The following CCDC51 variants were observed in gnomAD, a reference collection of about 807,000 sequenced individuals.
CCDC51 encodes coiled-coil domain containing 51, also known as mitochondrial potassium channel.
A neutral mutation model predicts 24.8 loss-of-function variants in CCDC51; 25 were observed. That is an observed-to-expected ratio of 1.01 (90% CI 0.73 to 1.41). The LOEUF (loss-of-function observed/expected upper bound fraction) is 1.41. CCDC51 is among the 40% of genes most tolerant of loss of function. CCDC51 has a pLI of 0.00. For missense variants in CCDC51, 466 were observed against 519.1 expected (o/e 0.90, Z 0.99); for synonymous variants, 190 against 204.3 (o/e 0.93, Z 0.60).
chr3:48,435,098 G>C lies in CCDC51; in HGVS notation c.31C>G (p.Gln11Glu). ...ACGTGGGGCACACCCACGATGTGCTGCATGGCAAACCCAGGGCTGCGCCCC... is the reference window on the plus strand; with the variant it reads ...ACGTGGGGCACACCCACGATGTGCTCCATGGCAAACCCAGGGCTGCGCCCC... MMGRSPGFAMQHIVGVPHVLV... is the reference protein window; with the variant it reads MMGRSPGFAMEHIVGVPHVLV... Residue 11 changes from glutamine to glutamate, a missense_variant, in exon 2 of 4, where the codon CAG becomes GAG. Gln to Glu is a conservative substitution (Grantham distance 29). Coordinates refer to ENST00000395694, the MANE Select transcript of CCDC51 (RefSeq NM_001256964.2). This position sits in a 1 kb window ranked among gnomAD's most constrained non-coding sequence, Gnocchi z 4.2. 6.2e-7 allele frequency: 1 copy of C among 1,602,090 alleles called. No homozygotes were observed. The highest frequency in any genetic ancestry group is 8.5e-7 in the Non-Finnish European group (1 of 1,173,670).
At position 48,432,434 on chromosome 3, in the gene CCDC51, G is replaced by C. The variant is rs749745726; in HGVS notation, c.1210C>G (p.Leu404Val). ...TAGCTGGCTTTGAATAGCATGTAGA[G>C]CACAGGCAGTGTGGCCACAAATGTC... ...CVTFVATLPV[L>V]YMLFKAS The change falls in exon 4 of 4, where the codon CTC becomes GTC. Residue 404 changes from leucine to valine, a missense_variant. Physicochemically the swap from Leu to Val is conservative, Grantham distance 32 (BLOSUM62 1). Coordinates refer to ENST00000395694, the MANE Select transcript of CCDC51 (RefSeq NM_001256964.2). 4 of 1,614,260 alleles carry C rather than the reference G, an allele frequency of 2.5e-6. No individual in the cohort carries two copies. In the South Asian group the frequency reaches 4.4e-5, roughly 18 times the overall value.
chr3:48,442,373 A>G (rs1337105658), upstream of CCDC51, among the ~76,000 whole-genome samples: 1 of 150,940 alleles, frequency 6.6e-6, no homozygotes, highest in Non-Finnish European at 1.5e-5. Context: ...ATTGAGCATC[A>G]TCTGATTTTT....
In CCDC51 at chr3:48,437,312, G is replaced by C. The variant is rs1229573114; in HGVS notation, c.-8-2176C>G. ...GGGAATGTGGCAATAATTCCCATGT[G>C]GCAACTGGAGTTGTTTCTCCACTCC... On this transcript the variant is annotated intron_variant, in intron 1 of 3. Transcript: ENST00000395694. This position sits in a 1 kb window ranked among gnomAD's most constrained non-coding sequence, Gnocchi z 4.2. 6.6e-6 allele frequency among the ~76,000 whole-genome samples: 1 copy of C among 152,072 alleles called. No homozygotes were observed. The highest frequency in any genetic ancestry group is 1.9e-4 in the East Asian group (1 of 5,196).
chr3:48,434,752 G>A (rs1223762467), intron 2 of CCDC51, 65 bp downstream of exon 2: 20 of 1,435,406 alleles, frequency 1.4e-5, no homozygotes, highest in South Asian at 7.9e-5. Context: ...CCAGCACCAC[G>A]TGACTGGTTT....
In CCDC51 at chr3:48,433,091, C is replaced by G; in HGVS notation, c.553G>C (p.Ala185Pro). 6.2e-7 allele frequency: 1 copy of G among 1,614,116 alleles called. No homozygotes were observed. The highest frequency in any genetic ancestry group is 8.5e-7 in the Non-Finnish European group (1 of 1,180,014). The change falls in exon 4 of 4, where the codon GCT (alanine) becomes CCT (proline). Residue 185 changes from alanine to proline, a missense_variant. Ala to Pro is a conservative substitution (Grantham distance 27). Transcript: ENST00000395694. The surrounding 1 kb of genome is among the most constrained non-coding windows in gnomAD (Gnocchi z 4.4). ...TCCTTCTCATGACTTTCCCGCACAG[C>G]TGCAGAGAAGAGGGAGAACTTCTCT... ...EREKFSLFSA[A>P]VRESHEKERT...
intron 1 of CCDC51, among the ~76,000 whole-genome samples, chr3:48,439,085 A>G (rs1325253339): frequency 1.3e-5 from 2 of 152,050 alleles, no homozygotes; most frequent in African/African-American, 4.8e-5. Flanking sequence ...GGTCTTCCCC[A>G]TGCACCCTAT....
chr3:48,440,695 G>A (rs953926473), upstream of CCDC51: 11 of 1,442,488 alleles, frequency 7.6e-6, no homozygotes, highest in African/African-American at 1.1e-4. Context: ...ATGAGGGCGC[G>A]GGCATGTCTT....
rs1432743545 is a variant in CCDC51, at chr3:48,433,431, C to T, written c.478-265G>A. Among the ~76,000 whole-genome samples the T allele has an allele frequency of 6.6e-6, 1 of 152,176 alleles. No individual in the cohort carries two copies. Among genetic ancestry groups the T allele is most frequent in the Non-Finnish European group, 1.5e-5 (1 of 68,024 alleles). ...TTATGTCTACACAAAGGGAAGTGTC[C>T]AGCACTCCCTAGGCCAGCCCCTCCA... is the stretch of plus-strand genomic sequence containing the variant. On this transcript the variant is annotated intron_variant, in intron 3 of 3. Transcript: ENST00000395694. This position sits in a 1 kb window ranked among gnomAD's most constrained non-coding sequence, Gnocchi z 4.4.
chr3:48,440,343 G>C, upstream of CCDC51: 1 of 1,611,924 alleles, frequency 6.2e-7, no homozygotes, highest in Non-Finnish European at 8.5e-7. Flanking sequence ...AGGACTGCGG[G>C]GACGGCGGGG....
At position 48,435,034 on chromosome 3, in the gene CCDC51, A is replaced by T; in HGVS notation, c.95T>A (p.Met32Lys). The T allele has an allele frequency of 6.2e-7, 1 of 1,614,186 alleles. No individual in the cohort carries two copies. The highest frequency in any genetic ancestry group is 8.5e-7 in the Non-Finnish European group (1 of 1,180,016). The change falls in exon 2 of 4, where the codon ATG becomes AAG. Residue 32 changes from methionine to lysine, a missense_variant. Coordinates refer to ENST00000395694, the MANE Select transcript of CCDC51 (RefSeq NM_001256964.2). This position sits in a 1 kb window ranked among gnomAD's most constrained non-coding sequence, Gnocchi z 4.2. ...RRGLLGRDLF[M>K]TRTLCSPGPS... is the part of the protein sequence containing the mutation. ...GCCTGGGCTGCAGAGAGTCCTGGTC[A>T]TGAAGAGGTCCCTTCCAAGGAGGCC...
upstream of CCDC51, among the ~76,000 whole-genome samples, chr3:48,442,292 C>T (rs887680958): frequency 6.6e-6 from 1 of 151,418 alleles, no homozygotes; most frequent in African/African-American, 2.4e-5. Flanking sequence ...TATCTTGCAC[C>T]CTCTTTTAAT....
rs747927544 is a variant in CCDC51 at position 48,433,180 on chromosome 3, G to A, written c.478-14C>T. On this transcript the variant is annotated splice_polypyrimidine_tract_variant and intron_variant, in intron 3 of 3. Transcript: ENST00000395694. The surrounding 1 kb of genome is among the most constrained non-coding windows in gnomAD (Gnocchi z 4.4). ...CCTCTTCTCCTCCTGCAGAAGCAAAGCCATGTTATTGGATTACATGGGCAC... is the reference window on the plus strand; with the variant it reads ...CCTCTTCTCCTCCTGCAGAAGCAAAACCATGTTATTGGATTACATGGGCAC... 45 of 1,606,564 alleles carry A rather than the reference G, an allele frequency of 2.8e-5. No homozygotes were observed. Among genetic ancestry groups the A allele is most frequent in the Non-Finnish European group, 3.8e-5 (45 of 1,175,606 alleles).
intron 1 of CCDC51, among the ~76,000 whole-genome samples, chr3:48,438,416 A>T (rs1371587123): frequency 6.6e-6 from 1 of 151,922 alleles, no homozygotes; most frequent in Non-Finnish European, 1.5e-5. Context: ...TTCCCAACCT[A>T]TATCTCTGCC....
chr3:48,438,574 A>G (rs1210252345), intron 1 of CCDC51, among the ~76,000 whole-genome samples: 1 of 151,950 alleles, frequency 6.6e-6, no homozygotes, highest in Non-Finnish European at 1.5e-5. Context: ...CCCACCTCAC[A>G]TCCATCTATC....
In CCDC51 at chr3:48,432,443, G is replaced by C. The variant is rs1001765642; in HGVS notation, c.1201C>G (p.Leu401Val). ...LVTCVTFVATLPVLYMLFKAS is the reference protein window; with the variant it reads ...LVTCVTFVATVPVLYMLFKAS ...TTGAATAGCATGTAGAGCACAGGCA[G>C]TGTGGCCACAAATGTCACACAGGTG... The change falls in exon 4 of 4, where the codon CTG becomes GTG. Residue 401 changes from leucine to valine, a missense_variant. Leu to Val is a conservative substitution (Grantham distance 32, BLOSUM62 1). Transcript: ENST00000395694. 9.9e-6 allele frequency: 16 copies of C among 1,614,136 alleles called. No individual in the cohort carries two copies. Among genetic ancestry groups the C allele is most frequent in the Admixed American group, 1.7e-5 (1 of 60,016 alleles).
chr3:48,432,333 T>G lies in CCDC51; in HGVS notation c.*75A>C. On this transcript the variant is annotated 3_prime_UTR_variant, in exon 4 of 4. Coordinates refer to ENST00000395694, the MANE Select transcript of CCDC51 (RefSeq NM_001256964.2). Reference sequence around the variant, plus strand: ...GTTGTACATGCCCCCAAAGGCTCGCTTCATTGCTACGATTCTCTACTTAAA... The same window carrying G: ...GTTGTACATGCCCCCAAAGGCTCGCGTCATTGCTACGATTCTCTACTTAAA... The G allele has an allele frequency of 6.4e-7, 1 of 1,563,770 alleles. No homozygotes were observed. Among genetic ancestry groups the G allele is most frequent in the Non-Finnish European group, 8.7e-7 (1 of 1,148,020 alleles).
upstream of CCDC51, among the ~76,000 whole-genome samples, chr3:48,441,512 AT>A (rs1482641079): frequency 1.4e-5 from 2 of 147,556 alleles, no homozygotes; most frequent in Non-Finnish European, 3.0e-5. Context: ...TACTGCTTAT[AT>A]TATCTCTAAT....
In CCDC51 at chr3:48,432,756, T is replaced by C. The variant is rs1471925310; in HGVS notation, c.888A>G (p.Val296=). The change falls in exon 4 of 4, where the codon GTA becomes GTG. Residue 296 remains valine (V), a synonymous_variant. Transcript: ENST00000395694. ...AGSPPTRDRD[V]DVLSAALKEQ... ...CTTTCAAGGCAGCTGAAAGGACATC[T>C]ACATCTCTGTCTCTGGTCGGGGGAC... 3 of 1,614,182 alleles carry C rather than the reference T, an allele frequency of 1.9e-6. No individual in the cohort carries two copies. The highest frequency in any genetic ancestry group is 1.7e-5 in the Admixed American group (1 of 60,034).
chr3:48,432,680 CTCG>C lies in CCDC51; in HGVS notation c.961_963del (p.Arg321del). On this transcript the variant is annotated inframe_deletion, in exon 4 of 4. Transcript: ENST00000395694. ...GTCTTTTCTAGGCCATCAAGCTGCT[CTCG>C]TAAGCCTTCTAGACATGAATGGACT... 1 of 1,614,262 alleles carries C rather than the reference CTCG, an allele frequency of 6.2e-7. No individual in the cohort carries two copies. The highest frequency in any genetic ancestry group is 8.5e-7 in the Non-Finnish European group (1 of 1,180,048).
Sources: gnomAD v4.1 joint callset for allele counts (sites outside exome capture counted in the v4.1 genomes callset) on GRCh38, gnomAD v4.1.1 for gene constraint, Gnocchi (gnomAD v3.1) non-coding constraint, MANE v1.5 for transcripts, NCBI Gene and HGNC (gene_info 2026-07-23, HGNC 2026-07-21) for gene names.